Variants in GFRA1 observed in about 807,000 individuals in gnomAD.
The protein encoded by GFRA1 is GDNF family receptor alpha 1.
Under a neutral mutation model 51.6 loss-of-function variants are expected in GFRA1, and 16 were observed. The observed-to-expected ratio is 0.31, with a 90% CI of 0.21 to 0.47. The LOEUF (loss-of-function observed/expected upper bound fraction) is 0.47, where lower values mean the gene tolerates loss of function less well. GFRA1 is among the 20% of genes least tolerant of loss of function. GFRA1 has a pLI of 1.00. For missense variants in GFRA1, 530 were observed against 594.3 expected (o/e 0.89, Z 1.13); for synonymous variants, 270 against 241.3 (o/e 1.12, Z -1.10).
At chr10:116,222,442 G>A (rs1436277323) in intron 4 of GFRA1, among the ~76,000 whole-genome samples, 7 of 151,946 alleles carry the variant, frequency 4.6e-5, no homozygotes, top group African/African-American at 7.3e-5. Flanking sequence ...CAGGTGATCC[G>A]CCCCCTTCAG....
At chr10:116,162,255 A>C (rs1211252874) in intron 5 of GFRA1, among the ~76,000 whole-genome samples, 1 of 152,236 alleles carries the variant, frequency 6.6e-6, no homozygotes, top group African/African-American at 2.4e-5. Flanking sequence ...GGCAGTGTCA[A>C]GCTGGAGAAG....
At chr10:116,124,810 C>T (rs937685782) in intron 6 of GFRA1, among the ~76,000 whole-genome samples, 1 of 152,118 alleles carries the variant, frequency 6.6e-6, no homozygotes, top group East Asian at 1.9e-4. Flanking sequence ...CAAGTTTCTG[C>T]CCCTGAAGGT....
At chr10:116,273,827 T>C (rs1209991865), upstream of GFRA1, among the ~76,000 whole-genome samples, 1 of 152,130 alleles carries the variant, frequency 6.6e-6, no homozygotes, top group African/African-American at 2.4e-5. Flanking sequence ...ATTCAAGACT[T>C]GGTGCTTTCA....
At chr10:116,166,917 A>G (rs1241511593) in intron 5 of GFRA1, among the ~76,000 whole-genome samples, 1 of 144,028 alleles carries the variant, frequency 6.9e-6, no homozygotes, top group East Asian at 2.2e-4. Flanking sequence ...CTCCTGCCTC[A>G]GCCTCCCGAG....
At chr10:116,243,158 T>G (rs1967542810) in intron 4 of GFRA1, among the ~76,000 whole-genome samples, 1 of 152,230 alleles carries the variant, frequency 6.6e-6, no homozygotes, top group Non-Finnish European at 1.5e-5. Context: ...TAGAATATAT[T>G]CAAATATTTG....
intron 4 of GFRA1, among the ~76,000 whole-genome samples, chr10:116,227,808 A>G (rs1462237061): frequency 6.6e-6 from 1 of 152,206 alleles, no homozygotes; most frequent in Non-Finnish European, 1.5e-5. Flanking sequence ...ATGCTCATAA[A>G]TGAGAGTGTA....
chr10:116,244,203 GATTT>G (rs1967659003), intron 4 of GFRA1, among the ~76,000 whole-genome samples: 1 of 151,514 alleles, frequency 6.6e-6, no homozygotes, highest in African/African-American at 2.4e-5. Context: ...ATCTATTACA[GATTT>G]ATTACAGATC....
chr10:116,096,856 T>A (rs1448298303), intron 6 of GFRA1, 92 bp from the exon 7 acceptor site: 3 of 721,844 alleles, frequency 4.2e-6, no homozygotes, highest in East Asian at 5.4e-5. Context: ...CCTTTGTTGA[T>A]ATGCCTTTTT....
intron 5 of GFRA1, among the ~76,000 whole-genome samples, chr10:116,159,603 T>C (rs1257116937): frequency 6.6e-6 from 1 of 152,074 alleles, no homozygotes; most frequent in East Asian, 1.9e-4. Flanking sequence ...GGGCCCTGGG[T>C]CTGGATGTGA....
At chr10:116,249,598 C>T (rs1279339111) in intron 4 of GFRA1, among the ~76,000 whole-genome samples, 2 of 152,142 alleles carry the variant, frequency 1.3e-5, no homozygotes, top group Non-Finnish European at 2.9e-5. Context: ...ACCGTAGGCT[C>T]CCTCATGTCA....
chr10:116,113,087 T>G (rs1957275989), intron 6 of GFRA1, among the ~76,000 whole-genome samples: 1 of 152,062 alleles, frequency 6.6e-6, no homozygotes, highest in South Asian at 2.1e-4. Flanking sequence ...TTAGTCATAC[T>G]AAGACCTTAA....
At chr10:116,204,527 T>C (rs1964579913) in intron 5 of GFRA1, among the ~76,000 whole-genome samples, 1 of 152,108 alleles carries the variant, frequency 6.6e-6, no homozygotes, top group East Asian at 1.9e-4. Context: ...CTATTGATTG[T>C]GGGATTACGG....
In GFRA1 at chr10:116,270,772, C is replaced by T. The variant is rs189185685; in HGVS notation, c.334+50G>A. 27 of 1,527,034 alleles carry T rather than the reference C, an allele frequency of 1.8e-5. No homozygotes were observed. In the East Asian group the frequency reaches 5.9e-4, roughly 33 times the overall value. 94.6% of individuals were successfully genotyped at this position (1,527,034 alleles called of 1,614,324 possible). A position where few individuals can be genotyped will look rare whatever the true frequency, so the allele number is the denominator to read the frequency against. On this transcript the variant is annotated intron_variant, in intron 3 of 10. Coordinates refer to ENST00000355422, the MANE Select transcript of GFRA1 (RefSeq NM_005264.8). ...AGCTGGCCCAGGGACGAAAGGCCCG[C>T]CTGCCTTCGGGGAGGGACACGGGGT...
intron 4 of GFRA1, among the ~76,000 whole-genome samples, chr10:116,266,544 T>G (rs761344260): frequency 5.3e-5 from 8 of 152,208 alleles, no homozygotes; most frequent in Non-Finnish European, 1.5e-5. Flanking sequence ...ATCACATTAG[T>G]GCTGGAACCT....
intron 6 of GFRA1, among the ~76,000 whole-genome samples, chr10:116,115,844 C>T (rs1325521530): frequency 1.3e-5 from 2 of 152,100 alleles, no homozygotes; most frequent in South Asian, 2.1e-4. Context: ...GTGCACTTCA[C>T]GAGTGCTAGC....
intron 6 of GFRA1, among the ~76,000 whole-genome samples, chr10:116,108,635 C>T (rs1238940312): frequency 2.0e-5 from 3 of 152,184 alleles, no homozygotes; most frequent in Non-Finnish European, 2.9e-5. Flanking sequence ...TCCTCCCAGC[C>T]GAGTGATCCC....
intron 5 of GFRA1, among the ~76,000 whole-genome samples, chr10:116,131,531 C>T (rs989778409): frequency 6.6e-6 from 1 of 152,088 alleles, no homozygotes; most frequent in African/African-American, 2.4e-5. Flanking sequence ...AATGGCTCAA[C>T]AAACTGTGAT....
At chr10:116,201,610 A>C (rs755461293) in intron 5 of GFRA1, among the ~76,000 whole-genome samples, 120 of 152,136 alleles carry the variant, frequency 7.9e-4, no homozygotes, top group Non-Finnish European at 1.4e-3. Flanking sequence ...CCTCTCCTTC[A>C]GGGGCACCTA....
intron 4 of GFRA1, among the ~76,000 whole-genome samples, chr10:116,232,807 T>C (rs1448575191): frequency 6.6e-6 from 1 of 152,148 alleles, no homozygotes; most frequent in Non-Finnish European, 1.5e-5. Context: ...CTAAGCACTG[T>C]TGCCAGGCTG....
Sources: gnomAD v4.1 joint callset for allele counts (sites outside exome capture counted in the v4.1 genomes callset) on GRCh38, gnomAD v4.1.1 for gene constraint, MANE v1.5 for transcripts, NCBI Gene and HGNC (gene_info 2026-07-23, HGNC 2026-07-21) for gene names.